Variants in GARIN2 observed in about 807,000 individuals in gnomAD.
The protein encoded by GARIN2 is Golgi-associated RAB2 interactor protein 2.
chr14:67,203,218 G>C, the GARIN2 span: 28 of 1,613,588 alleles, frequency 1.7e-5, no homozygotes, highest in South Asian at 1.1e-5. Flanking sequence ...CTGACACCTG[G>C]TGCCCAAAAA....
chr14:67,216,623 A>C, the GARIN2 span, among the ~76,000 whole-genome samples: 2 of 152,044 alleles, frequency 1.3e-5, no homozygotes, highest in Non-Finnish European at 2.9e-5. Context: ...TGTATCAGTA[A>C]ATTTTTAAAT....
the GARIN2 span, among the ~76,000 whole-genome samples, chr14:67,198,815 A>T: frequency 6.6e-6 from 1 of 152,312 alleles, no homozygotes; most frequent in African/African-American, 2.4e-5. Flanking sequence ...GAGCAATGCT[A>T]ACTTTTCTCT....
the GARIN2 span, among the ~76,000 whole-genome samples, chr14:67,217,190 A>G: frequency 3.9e-5 from 6 of 152,040 alleles, no homozygotes; most frequent in African/African-American, 1.5e-4. Context: ...AGTTTCTGAC[A>G]TAAATTCTGT....
the GARIN2 span, among the ~76,000 whole-genome samples, chr14:67,214,900 T>G: frequency 6.6e-6 from 1 of 152,108 alleles, no homozygotes; most frequent in Non-Finnish European, 1.5e-5. Context: ...TAAGTTGGAT[T>G]CCTAGGTATT....
the GARIN2 span, chr14:67,223,846 A>C: frequency 1.0e-6 from 1 of 985,342 alleles, no homozygotes. Context: ...ATACACTTTT[A>C]CTCTCACTTA....
the GARIN2 span, chr14:67,208,344 C>T: frequency 6.2e-7 from 1 of 1,613,898 alleles, no homozygotes; most frequent in Non-Finnish European, 8.5e-7. Context: ...ACTACCTTGA[C>T]CCCAGTAGAA....
At chr14:67,200,115 C>G in the GARIN2 span, 1 of 1,047,554 alleles carries the variant, frequency 9.5e-7, no homozygotes, top group Non-Finnish European at 1.4e-6. Context: ...TGGGCATGCC[C>G]CCCCGAAGGC....
the GARIN2 span, chr14:67,221,628 TA>T: frequency 8.8e-7 from 1 of 1,130,452 alleles, no homozygotes. Flanking sequence ...ATATGTTCTA[TA>T]ATCAGCAATG....
chr14:67,215,733 C>G, the GARIN2 span, among the ~76,000 whole-genome samples: 1 of 152,068 alleles, frequency 6.6e-6, no homozygotes, highest in East Asian at 1.9e-4. Context: ...ATGAATCCAT[C>G]CAACTTAGCA....
chr14:67,217,348 T>TA, the GARIN2 span, among the ~76,000 whole-genome samples: 1 of 152,186 alleles, frequency 6.6e-6, no homozygotes, highest in Non-Finnish European at 1.5e-5. Flanking sequence ...GGTCATTTTT[T>TA]AAAAAATCCA....
the GARIN2 span, among the ~76,000 whole-genome samples, chr14:67,209,218 C>T: frequency 6.6e-6 from 1 of 152,166 alleles, no homozygotes. Context: ...GTCCATATCT[C>T]ATGGAGTGTT....
the GARIN2 span, among the ~76,000 whole-genome samples, chr14:67,193,668 C>G: frequency 6.8e-6 from 1 of 146,138 alleles, no homozygotes; most frequent in Non-Finnish European, 1.5e-5. Flanking sequence ...GTAGGCCAAG[C>G]ACAGTGGCTC....
At chr14:67,205,093 T>C in the GARIN2 span, 3 of 1,545,810 alleles carry the variant, frequency 1.9e-6, no homozygotes, top group Non-Finnish European at 1.7e-6. Flanking sequence ...GGAGAAGGTA[T>C]GTGTCACTGA....
the GARIN2 span, chr14:67,225,229 A>G: frequency 1.3e-6 from 2 of 1,526,908 alleles, no homozygotes; most frequent in South Asian, 1.3e-5. Context: ...ACAGAAAAAG[A>G]CAAAGTTGAT....
the GARIN2 span, among the ~76,000 whole-genome samples, chr14:67,212,653 A>G: frequency 2.7e-5 from 4 of 146,488 alleles, no homozygotes. Context: ...ACATATATAT[A>G]TAATATATAT....
At chr14:67,215,297 A>G in the GARIN2 span, among the ~76,000 whole-genome samples, 1 of 152,176 alleles carries the variant, frequency 6.6e-6, no homozygotes, top group Non-Finnish European at 1.5e-5. Flanking sequence ...AAAAAGATAA[A>G]AAATGGTTCA....
chr14:67,203,370 TGATGACAA>T, the GARIN2 span: 1 of 1,210,298 alleles, frequency 8.3e-7, no homozygotes. Flanking sequence ...ACGGAAACAC[TGATGACAA>T]TTGCGCCAGT....
At chr14:67,205,798 C>G in the GARIN2 span, among the ~76,000 whole-genome samples, 31 of 152,272 alleles carry the variant, frequency 2.0e-4, 1 homozygote, top group Admixed American at 1.8e-3. Context: ...AATGAAGGAG[C>G]TGTGTTTTTA....
the GARIN2 span, chr14:67,204,492 C>T: frequency 6.5e-7 from 1 of 1,544,666 alleles, no homozygotes; most frequent in Non-Finnish European, 8.7e-7. Context: ...TTTTATAAGC[C>T]TCCCATCAGG....
Sources: gnomAD v4.1 joint callset for allele counts (sites outside exome capture counted in the v4.1 genomes callset) on GRCh38, gnomAD v4.1.1 for gene constraint, MANE v1.5 for transcripts, NCBI Gene and HGNC (gene_info 2026-07-23, HGNC 2026-07-21) for gene names.